The following DFFB variants were observed in gnomAD, a reference collection of about 807,000 sequenced individuals.
DFFB encodes the protein DNA fragmentation factor 40 kDa subunit.
DFFB carries 29 observed loss-of-function variants against 32.7 expected under a neutral mutation model. The ratio of observed to expected loss-of-function variants is 0.89; its 90% CI spans 0.66 to 1.21. DFFB has a LOEUF of 1.21. Among genes scored for constraint, DFFB ranks in the 50% most tolerant of loss-of-function variants. DFFB has a pLI of 0.00. For missense variants in DFFB, 398 were observed against 440.6 expected (o/e 0.90, Z 0.87); for synonymous variants, 170 against 177.1 (o/e 0.96, Z 0.32).
At chr1:3,877,940 C>T (rs72848494) in intron 6 of DFFB, among the ~76,000 whole-genome samples, 6,118 of 152,120 alleles carry the variant, frequency 0.04, 418 homozygotes, top group African/African-American at 0.14. Flanking sequence ...TAGGTTTGGG[C>T]TTATCTCTTG....
intron 6 of DFFB, among the ~76,000 whole-genome samples, chr1:3,877,060 C>G (rs774180184): frequency 6.6e-6 from 1 of 152,150 alleles, no homozygotes; most frequent in Non-Finnish European, 1.5e-5. Context: ...GCCCTGGGGA[C>G]GTTTCTTTTA....
Position 3,883,503 on chromosome 1 carries a change from G to T in DFFB, c.783-4G>T. On this transcript the variant is annotated splice_polypyrimidine_tract_variant and splice_region_variant and intron_variant, in intron 6 of 6. Coordinates refer to ENST00000378209, the MANE Select transcript of DFFB (RefSeq NM_004402.4). ...AAAATGATGTCTCTAACCTTACTTTGCAGAATAGAAAAGAAACGCACCATC... is the reference window on the plus strand; with the variant it reads ...AAAATGATGTCTCTAACCTTACTTTTCAGAATAGAAAAGAAACGCACCATC... 1 of 1,613,368 alleles carries T rather than the reference G, an allele frequency of 6.2e-7. No homozygotes were observed. The highest frequency in any genetic ancestry group is 8.5e-7 in the Non-Finnish European group (1 of 1,179,746).
At position 3,883,627 on chromosome 1, in the gene DFFB, A is replaced by G; in HGVS notation, c.903A>G (p.Leu301=). The G allele has an allele frequency of 1.2e-6, 2 of 1,614,118 alleles. No homozygotes were observed. The highest frequency in any genetic ancestry group is 1.1e-5 in the South Asian group (1 of 91,082). The change falls in exon 7 of 7, where the codon CTA becomes CTG. Residue 301 remains leucine, a synonymous_variant. Coordinates refer to ENST00000378209, the MANE Select transcript of DFFB (RefSeq NM_004402.4). ...GLLFTSENLK[L]VHIVCHKKTT... Reference sequence around the variant, plus strand: ...TTTTTACCTCAGAGAACCTAAAACTAGTGCACATTGTCTGCCATAAGAAAA... The same window carrying G: ...TTTTTACCTCAGAGAACCTAAAACTGGTGCACATTGTCTGCCATAAGAAAA...
intron 1 of DFFB, among the ~76,000 whole-genome samples, chr1:3,858,230 C>A (rs1253123439): frequency 6.6e-6 from 1 of 152,156 alleles, no homozygotes; most frequent in Non-Finnish European, 1.5e-5. Flanking sequence ...CCATAAAATG[C>A]CTAAAACTGA....
chr1:3,873,007 C>A, intron 6 of DFFB: 1 of 1,271,642 alleles, frequency 7.9e-7, no homozygotes. Flanking sequence ...TTTTCTTTTT[C>A]TTTTAGAGAT....
intron 6 of DFFB, among the ~76,000 whole-genome samples, chr1:3,881,841 G>A (rs1397555186): frequency 2.0e-5 from 3 of 150,766 alleles, no homozygotes; most frequent in East Asian, 2.0e-4. Context: ...CTGCACTCCA[G>A]CCTGGGTGAC....
intron 4 of DFFB, among the ~76,000 whole-genome samples, chr1:3,868,679 G>A (rs78103900): frequency 0.03 from 42 of 1,414 alleles, 1 homozygote; most frequent in East Asian, 0.15. Flanking sequence ...ACCACACCAC[G>A]CCACACCACA....
At chr1:3,868,819 C>T (rs1284436768) in intron 4 of DFFB, among the ~76,000 whole-genome samples, 6 of 152,206 alleles carry the variant, frequency 3.9e-5, no homozygotes, top group Non-Finnish European at 7.3e-5. Flanking sequence ...GCGTGGTCGG[C>T]CCCCACGCCC....
chr1:3,859,661 G>A (rs1448991237), intron 2 of DFFB, among the ~76,000 whole-genome samples: 1 of 152,184 alleles, frequency 6.6e-6, no homozygotes, highest in East Asian at 1.9e-4. Context: ...CAGTGTTGGG[G>A]GCTCCACTGT....
intron 4 of DFFB, among the ~76,000 whole-genome samples, chr1:3,868,623 CACCAG>C (rs1645034814): frequency 2.0e-5 from 3 of 152,080 alleles, no homozygotes; most frequent in Admixed American, 6.5e-5. Context: ...GACCACACCA[CACCAG>C]GCCACACCAC....
chr1:3,869,757 AG>A lies in DFFB; in HGVS notation c.665del (p.Gly222AlafsTer40), dbSNP rs1557717906. ...GCGGCAGCCGCCTCTGCACACCGGAAGGCTGGTTCTCCTGCCAGGTGAGCTG... is the reference window on the plus strand; with the variant it reads ...GCGGCAGCCGCCTCTGCACACCGGAAGCTGGTTCTCCTGCCAGGTGAGCTG... ...KGGSRLCTPE[G>X]WFSCQGPFDM... On this transcript the variant is annotated frameshift_variant, in exon 5 of 7. Coordinates refer to ENST00000378209, the MANE Select transcript of DFFB (RefSeq NM_004402.4). LOFTEE classifies it high-confidence loss of function. 6.2e-7 allele frequency: 1 copy of A among 1,606,096 alleles called. No homozygotes were observed. Among genetic ancestry groups the A allele is most frequent in the South Asian group, 1.1e-5 (1 of 90,808 alleles).
rs1417790894 is a variant in DFFB, at chr1:3,865,731, T to TGACC, written c.242-80_242-79insACCG. On this transcript the variant is annotated intron_variant, in intron 2 of 6. Coordinates refer to ENST00000378209, the MANE Select transcript of DFFB (RefSeq NM_004402.4). This position sits in a 1 kb window ranked among gnomAD's most constrained non-coding sequence, Gnocchi z 4.7. Reference sequence around the variant, plus strand: ...AGGCCCTGGGGAATGGGGGAAGATGTGGTCAGAGGCTCTTCTTGTGACCGG... The same window carrying TGACC: ...AGGCCCTGGGGAATGGGGGAAGATGTGACCGGTCAGAGGCTCTTCTTGTGACCGG... The TGACC allele has an allele frequency of 3.1e-6, 5 of 1,606,700 alleles. No individual in the cohort carries two copies. In the South Asian group the frequency reaches 4.4e-5, roughly 14 times the overall value.
At chr1:3,867,322 G>A (rs534908295) in intron 3 of DFFB, among the ~76,000 whole-genome samples, 9 of 152,202 alleles carry the variant, frequency 5.9e-5, no homozygotes, top group African/African-American at 9.6e-5. Flanking sequence ...GCCACGCTCC[G>A]TCTGTTCACT....
At chr1:3,862,467 A>G (rs1227641435) in intron 2 of DFFB, among the ~76,000 whole-genome samples, 1 of 152,248 alleles carries the variant, frequency 6.6e-6, no homozygotes, top group Non-Finnish European at 1.5e-5. Flanking sequence ...TTCAAAACTT[A>G]GTACAAAGCC....
In DFFB at chr1:3,869,786, T is replaced by C; in HGVS notation, c.681+11T>C. 6.3e-7 allele frequency: 1 copy of C among 1,590,464 alleles called. No homozygotes were observed. Among genetic ancestry groups the C allele is most frequent in the South Asian group, 1.1e-5 (1 of 89,584 alleles). Reference sequence around the variant, plus strand: ...TGGTTCTCCTGCCAGGTGAGCTGTGTGCCCTTTATCCTGGGGCCACCCGGC... The same window carrying C: ...TGGTTCTCCTGCCAGGTGAGCTGTGCGCCCTTTATCCTGGGGCCACCCGGC... On this transcript the variant is annotated intron_variant, in intron 5 of 6. Coordinates refer to ENST00000378209, the MANE Select transcript of DFFB (RefSeq NM_004402.4).
intron 6 of DFFB, among the ~76,000 whole-genome samples, chr1:3,880,143 C>T (rs914705727): frequency 3.3e-5 from 5 of 152,120 alleles, no homozygotes; most frequent in African/African-American, 9.7e-5. Flanking sequence ...TGGAGGTTGG[C>T]CCCATGGGCC....
rs751801114 is a variant in DFFB, at chr1:3,877,974, G to A, written c.782+5402G>A. 5.3e-5 allele frequency among the ~76,000 whole-genome samples: 8 copies of A among 152,076 alleles called. No individual in the cohort carries two copies. The Middle Eastern group carries it at 0.01, about 194-fold the overall frequency. On this transcript the variant is annotated intron_variant, in intron 6 of 6. Coordinates refer to ENST00000378209, the MANE Select transcript of DFFB (RefSeq NM_004402.4). ...TGTTAGCCAAGGGTAACAGCCTTTC[G>A]TCTTCATCTAACCTGAGATTCTGTC...
intron 1 of DFFB, 34 bp from the exon 2 acceptor site, chr1:3,858,684 C>T (rs1283263346): frequency 6.2e-7 from 1 of 1,608,654 alleles, no homozygotes; most frequent in South Asian, 1.1e-5. Flanking sequence ...TCTTGAGACC[C>T]TTCCTCCTCC....
chr1:3,864,652 A>G (rs529438207), intron 2 of DFFB, among the ~76,000 whole-genome samples: 2 of 152,032 alleles, frequency 1.3e-5, no homozygotes, highest in Non-Finnish European at 2.9e-5. Context: ...CAGCCTCCCA[A>G]GTAACTGGGA....
Sources: allele counts gnomAD v4.1 joint callset (sites outside exome capture counted in the v4.1 genomes callset), GRCh38; gene constraint gnomAD v4.1.1; non-coding constraint Gnocchi (gnomAD v3.1); transcripts MANE v1.5; gene names NCBI Gene and HGNC (gene_info 2026-07-23, HGNC 2026-07-21).